MACROD2: variants seen among roughly 807,000 people sequenced by gnomAD.
The protein encoded by MACROD2 is mono-ADP ribosylhydrolase 2.
MACROD2 carries 36 observed loss-of-function variants against 70.4 expected under a neutral mutation model. The observed-to-expected ratio is 0.51, with a 90% CI of 0.39 to 0.68. The LOEUF (loss-of-function observed/expected upper bound fraction) is 0.68. Among genes scored for constraint, MACROD2 ranks in the 30% least tolerant of loss-of-function variants. MACROD2 has a pLI of 0.00. For synonymous variants in MACROD2, 172 were observed against 178.8 expected (o/e 0.96, Z 0.30); for missense variants, 496 against 538.4 (o/e 0.92, Z 0.78).
intron 5 of MACROD2, among the ~76,000 whole-genome samples, chr20:14,763,182 T>C (rs2072039834): frequency 6.6e-6 from 1 of 151,240 alleles, no homozygotes; most frequent in Non-Finnish European, 1.5e-5. Context: ...TCTTCTGTAT[T>C]TTCAAAACTC....
At chr20:14,632,209 TG>T (rs1377061341) in intron 4 of MACROD2, among the ~76,000 whole-genome samples, 1 of 152,164 alleles carries the variant, frequency 6.6e-6, no homozygotes, top group Non-Finnish European at 1.5e-5. Flanking sequence ...TAAATATGAC[TG>T]CATAAGGAAT....
chr20:15,434,241 A>G (rs990325884), intron 7 of MACROD2, among the ~76,000 whole-genome samples: 7 of 152,100 alleles, frequency 4.6e-5, no homozygotes, highest in African/African-American at 1.7e-4. Flanking sequence ...CAAGCAGACA[A>G]TCCACAGAGT....
chr20:15,553,306 T>C (rs1265157100), intron 8 of MACROD2, among the ~76,000 whole-genome samples: 1 of 152,136 alleles, frequency 6.6e-6, no homozygotes, highest in African/African-American at 2.4e-5. Context: ...ATAATTCAGA[T>C]TGGGGCATGC....
At chr20:15,132,651 T>G (rs1361572308) in intron 5 of MACROD2, among the ~76,000 whole-genome samples, 1 of 151,888 alleles carries the variant, frequency 6.6e-6, no homozygotes, top group Non-Finnish European at 1.5e-5. Flanking sequence ...AAATAATTCT[T>G]GAGTTACAGA....
intron 3 of MACROD2, among the ~76,000 whole-genome samples, chr20:14,292,240 A>G (rs578227906): frequency 3.3e-4 from 50 of 152,004 alleles, no homozygotes; most frequent in African/African-American, 1.1e-3. Flanking sequence ...AAGATGAAGC[A>G]CTACAGGTAA....
intron 5 of MACROD2, among the ~76,000 whole-genome samples, chr20:15,079,792 G>A (rs2075688759): frequency 6.6e-6 from 1 of 152,072 alleles, no homozygotes; most frequent in Non-Finnish European, 1.5e-5. Context: ...CTGGTCTCAA[G>A]TGGGTCCTCA....
At chr20:15,127,797 C>A (rs1028883333) in intron 5 of MACROD2, among the ~76,000 whole-genome samples, 4 of 151,978 alleles carry the variant, frequency 2.6e-5, no homozygotes, top group African/African-American at 9.7e-5. Context: ...TATTGGTCAC[C>A]CAGACCAATG....
intron 5 of MACROD2, among the ~76,000 whole-genome samples, chr20:15,034,787 A>G (rs1466696858): frequency 7.2e-5 from 11 of 152,194 alleles, no homozygotes; most frequent in African/African-American, 2.7e-4. Flanking sequence ...ATATACTTTG[A>G]TGCTAACAAA....
intron 5 of MACROD2, among the ~76,000 whole-genome samples, chr20:15,100,445 TTGGCTACAAATTATACAAGAAAC>T (rs2075863674): frequency 6.6e-6 from 1 of 152,182 alleles, no homozygotes; most frequent in Non-Finnish European, 1.5e-5. Context: ...AAACTTTATC[TTGGCTACAAATTATACAAGAAAC>T]TGGACTCCCG....
intron 5 of MACROD2, among the ~76,000 whole-genome samples, chr20:14,756,803 C>T (rs2071946459): frequency 6.6e-6 from 1 of 152,034 alleles, no homozygotes. Flanking sequence ...TGTAATAATC[C>T]CACGTGTCAA....
chr20:14,522,688 C>T (rs1296429710), intron 4 of MACROD2, among the ~76,000 whole-genome samples: 2 of 152,196 alleles, frequency 1.3e-5, no homozygotes, highest in Admixed American at 6.5e-5. Context: ...TGGCATTTGA[C>T]TCAGGTTGCC....
chr20:14,290,507 AT>A (rs11350359), intron 3 of MACROD2, among the ~76,000 whole-genome samples: 58,865 of 133,034 alleles, frequency 0.44, 12,695 homozygotes, highest in Non-Finnish European at 0.49. Context: ...AGGTAGCTGT[AT>A]TTTTTTTTTT....
chr20:14,757,495 T>C (rs1345139664), intron 5 of MACROD2: 1 of 550,876 alleles, frequency 1.8e-6, no homozygotes, highest in African/African-American at 1.9e-5. Context: ...TTAAAGAAAA[T>C]AGATCCCATA....
chr20:15,340,740 C>T (rs865777772), intron 6 of MACROD2, among the ~76,000 whole-genome samples: 3 of 151,994 alleles, frequency 2.0e-5, no homozygotes, highest in Middle Eastern at 3.4e-3. Context: ...ACAAATCATG[C>T]TTCTCTGTCT....
rs750905519 is a variant in MACROD2, at chr20:14,900,104, T to TGG, written c.418+215145_418+215146insGG. Among the ~76,000 whole-genome samples, 52 of 152,244 alleles carry TGG rather than the reference T, an allele frequency of 3.4e-4. 1 individual carries two copies. The Middle Eastern group carries it at 0.037, about 110-fold the overall frequency. On this transcript the variant is annotated intron_variant, in intron 5 of 17. Coordinates refer to ENST00000684519, the MANE Select transcript of MACROD2 (RefSeq NM_001351661.2). ...TATATCTTTGATTCTTTTAATAATA[T>TGG]ATATTACATGATTACTTTTCATATG...
At chr20:14,349,785 T>G (rs2083103111) in intron 3 of MACROD2, among the ~76,000 whole-genome samples, 1 of 150,666 alleles carries the variant, frequency 6.6e-6, no homozygotes. Flanking sequence ...TCCATGTTAT[T>G]GCAAATGACA....
chr20:14,925,471 A>C (rs1437049232), intron 5 of MACROD2, among the ~76,000 whole-genome samples: 1 of 152,170 alleles, frequency 6.6e-6, no homozygotes, highest in Non-Finnish European at 1.5e-5. Flanking sequence ...TCAAATTACC[A>C]GATTTTAAAA....
chr20:15,230,325 A>G (rs546849635), intron 6 of MACROD2, among the ~76,000 whole-genome samples: 32 of 152,302 alleles, frequency 2.1e-4, no homozygotes, highest in African/African-American at 7.7e-4. Context: ...TTATTTTGCC[A>G]CTTACTTTCT....
chr20:14,023,349 T>G (rs1177021758), intron 2 of MACROD2, among the ~76,000 whole-genome samples: 1 of 152,234 alleles, frequency 6.6e-6, no homozygotes, highest in Non-Finnish European at 1.5e-5. Flanking sequence ...TTCTGTAGGT[T>G]GTCTGTTCAC....
Sources: allele counts gnomAD v4.1 joint callset (sites outside exome capture counted in the v4.1 genomes callset), GRCh38; gene constraint gnomAD v4.1.1; transcripts MANE v1.5; gene names NCBI Gene and HGNC (gene_info 2026-07-23, HGNC 2026-07-21).